PABPC4L: variants seen among roughly 807,000 people sequenced by gnomAD.
PABPC4L encodes the protein poly(A) binding protein cytoplasmic 4 like, also known as polyadenylate-binding protein 4-like.
For missense variants in PABPC4L, 452 were observed against 451.4 expected (o/e 1.00, Z -0.01); for synonymous variants, 169 against 164.1 (o/e 1.03, Z -0.23).
chr4:134,152,736 TATGTTGCTATAAAG>T, the PABPC4L span, among the ~76,000 whole-genome samples: 1 of 152,194 alleles, frequency 6.6e-6, no homozygotes, highest in South Asian at 2.1e-4. Context: ...TAGTCTGTTT[TATGTTGCTATAAAG>T]AAATATCTGA....
chr4:134,043,930 C>T, the PABPC4L span, among the ~76,000 whole-genome samples: 23,499 of 149,642 alleles, frequency 0.16, 2,043 homozygotes, highest in Non-Finnish European at 0.19. Flanking sequence ...GTGTGTGTGT[C>T]GACGGATGTC....
the PABPC4L span, among the ~76,000 whole-genome samples, chr4:134,184,261 T>C: frequency 2.0e-5 from 3 of 152,032 alleles, no homozygotes; most frequent in African/African-American, 7.2e-5. Flanking sequence ...CAATAAACAG[T>C]ACTGAATCTG....
chr4:134,041,826 A>G, the PABPC4L span, among the ~76,000 whole-genome samples: 3 of 152,178 alleles, frequency 2.0e-5, no homozygotes, highest in Admixed American at 6.6e-5. Flanking sequence ...ACTGCTGGTG[A>G]TAATGTAAAT....
chr4:134,062,011 G>C, the PABPC4L span, among the ~76,000 whole-genome samples: 1 of 151,614 alleles, frequency 6.6e-6, no homozygotes, highest in Non-Finnish European at 1.5e-5. Context: ...GTAAATGCAA[G>C]CCAGAAAACA....
At chr4:134,094,319 G>C in the PABPC4L span, among the ~76,000 whole-genome samples, 2 of 151,960 alleles carry the variant, frequency 1.3e-5, no homozygotes, top group African/African-American at 4.8e-5. Context: ...TAGAGGATTT[G>C]TTATTATAAA....
the PABPC4L span, among the ~76,000 whole-genome samples, chr4:133,948,891 G>T: frequency 2.6e-5 from 4 of 152,112 alleles, no homozygotes; most frequent in Non-Finnish European, 4.4e-5. Context: ...CTCTCTCAGG[G>T]TTATTGCCTG....
chr4:134,102,880 C>A, the PABPC4L span, among the ~76,000 whole-genome samples: 1 of 151,012 alleles, frequency 6.6e-6, no homozygotes, highest in Non-Finnish European at 1.5e-5. Context: ...ATTTTTCTAC[C>A]TATATGGATG....
At chr4:134,049,602 C>G in the PABPC4L span, among the ~76,000 whole-genome samples, 2 of 152,226 alleles carry the variant, frequency 1.3e-5, no homozygotes, top group East Asian at 3.9e-4. Context: ...GGCAATTCAT[C>G]ATGTAACTGT....
At chr4:133,965,674 C>T in the PABPC4L span, among the ~76,000 whole-genome samples, 1 of 152,060 alleles carries the variant, frequency 6.6e-6, no homozygotes, top group Admixed American at 6.6e-5. Flanking sequence ...ATACTTGCAG[C>T]CAACTGATCT....
the PABPC4L span, among the ~76,000 whole-genome samples, chr4:134,164,622 C>A: frequency 2.0e-5 from 3 of 152,072 alleles, no homozygotes; most frequent in Non-Finnish European, 4.4e-5. Flanking sequence ...CATAAATCAT[C>A]TTCTATACAA....
At chr4:134,027,985 GT>G in the PABPC4L span, among the ~76,000 whole-genome samples, 1 of 152,098 alleles carries the variant, frequency 6.6e-6, no homozygotes, top group Admixed American at 6.6e-5. Flanking sequence ...TGAGAGATTT[GT>G]TAGGCAGCAT....
the PABPC4L span, among the ~76,000 whole-genome samples, chr4:134,138,506 T>C: frequency 6.6e-6 from 1 of 151,834 alleles, no homozygotes; most frequent in East Asian, 1.9e-4. Flanking sequence ...TTACTGTTCA[T>C]TTTAGTATAG....
chr4:134,133,808 C>CA, the PABPC4L span, among the ~76,000 whole-genome samples: 1 of 151,872 alleles, frequency 6.6e-6, no homozygotes, highest in Non-Finnish European at 1.5e-5. Flanking sequence ...ACATATTCCC[C>CA]AAAACCTATT....
chr4:134,145,224 G>A, the PABPC4L span, among the ~76,000 whole-genome samples: 1 of 151,596 alleles, frequency 6.6e-6, no homozygotes, highest in Admixed American at 6.6e-5. Context: ...ATGATATTCT[G>A]TTATTTATAA....
At chr4:134,041,938 G>A in the PABPC4L span, among the ~76,000 whole-genome samples, 1 of 152,130 alleles carries the variant, frequency 6.6e-6, no homozygotes, top group African/African-American at 2.4e-5. Flanking sequence ...CTACCCACAG[G>A]AAAAGAAATC....
At chr4:134,074,455 G>T in the PABPC4L span, among the ~76,000 whole-genome samples, 2 of 152,080 alleles carry the variant, frequency 1.3e-5, no homozygotes, top group African/African-American at 2.4e-5. Flanking sequence ...AGCCCTCCAA[G>T]TCTCTAGGAA....
the PABPC4L span, among the ~76,000 whole-genome samples, chr4:133,949,902 G>A: frequency 5.3e-5 from 8 of 152,102 alleles, no homozygotes; most frequent in South Asian, 2.1e-4. Flanking sequence ...GCCTAAATAC[G>A]GGAGTCCATA....
the PABPC4L span, among the ~76,000 whole-genome samples, chr4:134,024,964 A>C: frequency 7.1e-6 from 1 of 140,164 alleles, no homozygotes; most frequent in Non-Finnish European, 1.5e-5. Flanking sequence ...AAGGGGTCTT[A>C]CTCTTACAGG....
At chr4:134,039,656 T>G in the PABPC4L span, among the ~76,000 whole-genome samples, 1 of 152,132 alleles carries the variant, frequency 6.6e-6, no homozygotes, top group South Asian at 2.1e-4. Flanking sequence ...CTGCTTTTTT[T>G]TGCTTTCTAT....
Sources: gnomAD v4.1 joint callset for allele counts (sites outside exome capture counted in the v4.1 genomes callset) on GRCh38, gnomAD v4.1.1 for gene constraint, MANE v1.5 for transcripts, NCBI Gene and HGNC (gene_info 2026-07-23, HGNC 2026-07-21) for gene names.